PTPN14: variants seen among roughly 807,000 people sequenced by gnomAD.
PTPN14 encodes tyrosine-protein phosphatase non-receptor type 14.
A neutral mutation model predicts 126.8 loss-of-function variants in PTPN14; 53 were observed. The observed-to-expected ratio is 0.42, with a 90% CI of 0.34 to 0.53. The LOEUF (loss-of-function observed/expected upper bound fraction) is 0.53. Ranked by LOEUF, PTPN14 falls within the 20% of genes least tolerant of loss-of-function variation. PTPN14 has a pLI of 0.08. For synonymous variants in PTPN14, 630 were observed against 599.3 expected (o/e 1.05, Z -0.75); for missense variants, 1,257 against 1,552.9 (o/e 0.81, Z 3.20).
intron 16 of PTPN14, 29 bp from the exon 17 acceptor site, chr1:214,369,720 A>C (rs1334315196): frequency 6.3e-7 from 1 of 1,586,674 alleles, no homozygotes; most frequent in South Asian, 1.1e-5. Flanking sequence ...CAAAATTGGA[A>C]ATAGGTCAAG....
Position 214,397,984 on chromosome 1 carries a change from A to C in PTPN14, c.687T>G (p.Cys229Trp), listed in dbSNP as rs1408890299. 1 of 1,612,382 alleles carries C rather than the reference A, an allele frequency of 6.2e-7. No homozygotes were observed. The highest frequency in any genetic ancestry group is 8.5e-7 in the Non-Finnish European group (1 of 1,178,554). Residue 229 changes from cysteine (C) to tryptophan (W), a missense_variant, in exon 8 of 19, where the codon TGT becomes TGG. Around this residue, in one of 3 missense-constraint regions of PTPN14, gnomAD observed 1,021 missense variants for 1,183.3 expected, o/e 0.86. Transcript: ENST00000366956. ...CCATAAAGAAAATGCCAAGGTGTAC[A>C]CAGTTTCCATGATTGTCCTGGGTAA... ...IFPVKDNHGNCVHLGIFFMGI... is the reference protein window; with the variant it reads ...IFPVKDNHGNWVHLGIFFMGI...
chr1:214,366,324 A>C (rs1658080658), intron 17 of PTPN14, among the ~76,000 whole-genome samples: 1 of 152,268 alleles, frequency 6.6e-6, no homozygotes, highest in Admixed American at 6.5e-5. Context: ...GCAACTGAGT[A>C]TTCTATCTGA....
chr1:214,514,573 G>T (rs530549777), intron 1 of PTPN14, among the ~76,000 whole-genome samples: 82 of 124,116 alleles, frequency 6.6e-4, no homozygotes, highest in African/African-American at 3.9e-3. Context: ...CTGATTCCCT[G>T]AGCCTGGGGT....
intron 1 of PTPN14, chr1:214,530,702 G>A (rs1417469308): frequency 6.6e-6 from 1 of 152,128 alleles, no homozygotes; most frequent in Non-Finnish European, 1.5e-5. Flanking sequence ...CAGTGAAGGA[G>A]AATATATTCC....
chr1:214,398,103 T>C (rs1658928797), intron 7 of PTPN14, 102 bp from the exon 8 acceptor site: 7 of 892,364 alleles, frequency 7.8e-6, no homozygotes, highest in Admixed American at 4.1e-5. Flanking sequence ...CATCCACAGA[T>C]GAATGGATAA....
At chr1:214,361,980 C>T (rs1657967234) in intron 18 of PTPN14, among the ~76,000 whole-genome samples, 1 of 152,158 alleles carries the variant, frequency 6.6e-6, no homozygotes, top group Non-Finnish European at 1.5e-5. Context: ...ATTTCATTGA[C>T]AGAATTAAAA....
At chr1:214,458,760 C>T (rs1459514906) in intron 2 of PTPN14, among the ~76,000 whole-genome samples, 2 of 152,104 alleles carry the variant, frequency 1.3e-5, no homozygotes, top group East Asian at 3.8e-4. Flanking sequence ...AGTCATAAGG[C>T]ACCATTGTTT....
At chr1:214,534,743 A>AAATAAATAAAG (rs1487444233) in intron 1 of PTPN14, among the ~76,000 whole-genome samples, 1 of 31,148 alleles carries the variant, frequency 3.2e-5, no homozygotes, top group Non-Finnish European at 6.2e-5. Flanking sequence ...AATAAATAAA[A>AAATAAATAAAG]GACGGAATTA....
intron 18 of PTPN14, among the ~76,000 whole-genome samples, chr1:214,363,681 C>G (rs1658006907): frequency 6.6e-6 from 1 of 152,182 alleles, no homozygotes; most frequent in Non-Finnish European, 1.5e-5. Flanking sequence ...ATTTCTGGGC[C>G]TCAGTTTCCT....
chr1:214,403,207 G>A (rs938262051), intron 5 of PTPN14, among the ~76,000 whole-genome samples: 1 of 152,102 alleles, frequency 6.6e-6, no homozygotes, highest in Non-Finnish European at 1.5e-5. Context: ...GTGGTGCCAG[G>A]GAATAGCTCT....
At chr1:214,491,549 A>G (rs1661252173) in intron 1 of PTPN14, among the ~76,000 whole-genome samples, 1 of 152,160 alleles carries the variant, frequency 6.6e-6, no homozygotes, top group Non-Finnish European at 1.5e-5. Context: ...TGAGCTGTTC[A>G]CGATAGGGTT....
At chr1:214,405,662 G>T (rs1387576264) in intron 5 of PTPN14, among the ~76,000 whole-genome samples, 1 of 149,316 alleles carries the variant, frequency 6.7e-6, no homozygotes, top group Admixed American at 6.7e-5. Flanking sequence ...ACTCTTCAAC[G>T]GTCTTATATT....
At chr1:214,529,667 T>G (rs1440040193) in intron 1 of PTPN14, 2 of 152,348 alleles carry the variant, frequency 1.3e-5, no homozygotes, top group Non-Finnish European at 2.9e-5. Context: ...GCAGATCACT[T>G]GACGCCAGGA....
intron 3 of PTPN14, among the ~76,000 whole-genome samples, chr1:214,432,735 T>A (rs1659823034): frequency 2.2e-5 from 1 of 45,508 alleles, no homozygotes. Flanking sequence ...CCTAAAAAGT[T>A]TTTTTTTAAA....
rs1658553263 is a variant in PTPN14 at position 214,384,265 on chromosome 1, T to C, written c.1590A>G (p.Ala530=). The C allele has an allele frequency of 1.2e-6, 2 of 1,614,040 alleles. No individual in the cohort carries two copies. Among genetic ancestry groups the C allele is most frequent in the Non-Finnish European group, 1.7e-6 (2 of 1,180,036 alleles). Residue 530 remains alanine (A), a synonymous_variant, in exon 13 of 19, where the codon GCA becomes GCG. Coordinates refer to ENST00000366956, the MANE Select transcript of PTPN14 (RefSeq NM_005401.5). This position sits in a 1 kb window ranked among gnomAD's most constrained non-coding sequence, Gnocchi z 5.3. ...KNNVVPSKPG[A]SAISHTVSTP... ...TGCTCACCGTGTGCGAGATGGCGCTTGCCCCCGGCTTGCTTGGTACCACAT... is the reference window on the plus strand; with the variant it reads ...TGCTCACCGTGTGCGAGATGGCGCTCGCCCCCGGCTTGCTTGGTACCACAT...
At chr1:214,451,768 C>A in intron 3 of PTPN14, 37 bp downstream of exon 3, 3 of 1,599,498 alleles carry the variant, frequency 1.9e-6, no homozygotes, top group Non-Finnish European at 2.6e-6. Flanking sequence ...AGTTAGTCAA[C>A]ACCCTTATAT....
At chr1:214,360,603 T>G (rs975107207) in intron 18 of PTPN14, among the ~76,000 whole-genome samples, 5 of 152,142 alleles carry the variant, frequency 3.3e-5, no homozygotes, top group Non-Finnish European at 5.9e-5. Flanking sequence ...ATAGAGAGAA[T>G]AAGGCTGTTC....
intron 3 of PTPN14, among the ~76,000 whole-genome samples, chr1:214,431,249 A>C (rs1005232190): frequency 6.6e-5 from 10 of 152,214 alleles, no homozygotes; most frequent in African/African-American, 2.4e-4. Context: ...ATTTTTGACA[A>C]AGGAAGGAAA....
intron 3 of PTPN14, among the ~76,000 whole-genome samples, chr1:214,437,956 T>A (rs1659956536): frequency 6.6e-6 from 1 of 152,094 alleles, no homozygotes; most frequent in African/African-American, 2.4e-5. Context: ...AGGACTGGGG[T>A]ACAATAACCT....
Sources: gnomAD v4.1 joint callset for allele counts (sites outside exome capture counted in the v4.1 genomes callset) on GRCh38, gnomAD v4.1.1 for gene constraint, gnomAD v4.1.1 regional missense constraint, Gnocchi (gnomAD v3.1) non-coding constraint, MANE v1.5 for transcripts, NCBI Gene and HGNC (gene_info 2026-07-23, HGNC 2026-07-21) for gene names.